DGKH: variants seen among roughly 807,000 people sequenced by gnomAD.
DGKH encodes the protein diacylglycerol kinase eta.
In DGKH, 90 loss-of-function variants were observed where a neutral mutation model predicts 159.3. The ratio of observed to expected loss-of-function variants is 0.57; its 90% CI spans 0.48 to 0.67. The LOEUF is 0.67. DGKH is among the 30% of genes least tolerant of loss of function. The probability of loss-of-function intolerance (pLI) is 0.00; values close to 1 mark genes in which losing one functional copy is unlikely to be tolerated. For missense variants in DGKH, 1,181 were observed against 1,506.1 expected (o/e 0.78, Z 3.57); for synonymous variants, 536 against 553.8 (o/e 0.97, Z 0.45).
chr13:42,217,345 A>G (rs889365688), intron 26 of DGKH, among the ~76,000 whole-genome samples: 11 of 152,044 alleles, frequency 7.2e-5, no homozygotes, highest in African/African-American at 2.7e-4. Flanking sequence ...GTTCCAAGTG[A>G]TTCTCCTGCC....
chr13:42,204,244 A>G (rs1181814147), intron 20 of DGKH, among the ~76,000 whole-genome samples: 1 of 152,190 alleles, frequency 6.6e-6, no homozygotes, highest in Non-Finnish European at 1.5e-5. Context: ...GCACATAAAG[A>G]TATCTGTTTA....
intron 1 of DGKH, among the ~76,000 whole-genome samples, chr13:42,096,778 T>C (rs1954547310): frequency 6.6e-6 from 1 of 152,162 alleles, no homozygotes. Context: ...GTATCATCAT[T>C]TGAGGTGGGG....
chr13:42,042,197 T>C (rs1880554979), intron 1 of DGKH, among the ~76,000 whole-genome samples: 1 of 152,206 alleles, frequency 6.6e-6, no homozygotes, highest in Non-Finnish European at 1.5e-5. Flanking sequence ...AAATTAAAAA[T>C]ACAATCCAGT....
chr13:42,083,351 A>G (rs1954244146), intron 1 of DGKH, among the ~76,000 whole-genome samples: 1 of 128,780 alleles, frequency 7.8e-6, no homozygotes. Flanking sequence ...TAGTGGTATG[A>G]CGTCGGAAGG....
intron 1 of DGKH, among the ~76,000 whole-genome samples, chr13:42,043,164 T>C (rs1163866064): frequency 2.0e-5 from 3 of 152,134 alleles, no homozygotes; most frequent in Non-Finnish European, 2.9e-5. Flanking sequence ...GTGACATATA[T>C]GTTACATACA....
At chr13:42,202,841 A>T (rs956565912) in intron 20 of DGKH, among the ~76,000 whole-genome samples, 1 of 152,178 alleles carries the variant, frequency 6.6e-6, no homozygotes, top group South Asian at 2.1e-4. Flanking sequence ...CATTTTTTGT[A>T]AGAAGGATGA....
chr13:42,242,772 T>C lies in DGKH; in HGVS notation c.*13584T>C, dbSNP rs1958537629. 6.6e-6 allele frequency: 1 copy of C among 152,214 alleles called. No individual in the cohort carries two copies. The highest frequency in any genetic ancestry group is 1.5e-5 in the Non-Finnish European group (1 of 68,024). 9.4% of individuals were successfully genotyped at this position (152,214 alleles called of 1,614,324 possible). On this transcript the variant is annotated 3_prime_UTR_variant, in exon 30 of 30. Coordinates refer to ENST00000337343, the MANE Select transcript of DGKH (RefSeq NM_178009.5). ...TTATTGTACGGAAGTCACTGACGTG[T>C]GTATTTTTGTACTTTGCTGAAAGTA...
At position 42,237,430 on chromosome 13, in the gene DGKH, A is replaced by G. The variant is rs1594261720; in HGVS notation, c.*8242A>G. The G allele has an allele frequency of 6.6e-6, 1 of 152,356 alleles. No homozygotes were observed. The highest frequency in any genetic ancestry group is 1.9e-4 in the East Asian group (1 of 5,196). 9.4% of individuals were successfully genotyped at this position (152,356 alleles called of 1,614,324 possible). On this transcript the variant is annotated 3_prime_UTR_variant, in exon 30 of 30. Coordinates refer to ENST00000337343, the MANE Select transcript of DGKH (RefSeq NM_178009.5). ...AAAGAAAACTGGTGAGAGAAATTACATGGAAATTATAGGAAAAAGGAACTT... is the reference window on the plus strand; with the variant it reads ...AAAGAAAACTGGTGAGAGAAATTACGTGGAAATTATAGGAAAAAGGAACTT...
Position 42,224,903 on chromosome 13 carries a change from A to AATAT in DGKH, c.3573+3521_3573+3524dup, listed in dbSNP as rs760409674. 7.4e-3 allele frequency among the ~76,000 whole-genome samples: 1,072 copies of AATAT among 144,946 alleles called. 8 individuals carry two copies. Among genetic ancestry groups the AATAT allele is most frequent in the African/African-American group, 0.024 (977 of 40,440 alleles). ...CTAAAGTTGGGAAAAGGAAAAAAAA[A>AATAT]ATATATATATATATACATATATTTG... On this transcript the variant is annotated intron_variant, in intron 29 of 29. Coordinates refer to ENST00000337343, the MANE Select transcript of DGKH (RefSeq NM_178009.5).
chr13:42,096,395 C>A (rs1021868236), intron 1 of DGKH, among the ~76,000 whole-genome samples: 7 of 152,160 alleles, frequency 4.6e-5, no homozygotes, highest in African/African-American at 1.4e-4. Flanking sequence ...CCAGCTGCAT[C>A]CATGTTGCTG....
intron 29 of DGKH, among the ~76,000 whole-genome samples, chr13:42,223,707 G>A: frequency 6.6e-6 from 1 of 151,898 alleles, no homozygotes; most frequent in Non-Finnish European, 1.5e-5. Context: ...GTTGCAGTGA[G>A]CCGAGATCAC....
chr13:42,188,492 A>G (rs1003053155), intron 14 of DGKH, among the ~76,000 whole-genome samples: 3 of 152,050 alleles, frequency 2.0e-5, no homozygotes, highest in African/African-American at 7.3e-5. Context: ...TTTGAAGGGG[A>G]GTTTGCCACA....
chr13:42,047,665 A>C (rs1261028638), upstream of DGKH, among the ~76,000 whole-genome samples: 2 of 152,168 alleles, frequency 1.3e-5, no homozygotes, highest in Admixed American at 1.3e-4. Flanking sequence ...CCGCGCAGCC[A>C]GCTTGCAGGG....
intron 29 of DGKH, 128 bp from the exon 30 acceptor site, chr13:42,228,971 A>G: frequency 1.4e-6 from 1 of 714,584 alleles, no homozygotes; most frequent in South Asian, 1.8e-5. Flanking sequence ...CTTGCTGGTT[A>G]AATATTTAAT....
chr13:42,235,229 C>A lies in DGKH; in HGVS notation c.*6041C>A, dbSNP rs1361909470. The A allele has an allele frequency of 6.6e-6, 1 of 152,058 alleles. No individual in the cohort carries two copies. Among genetic ancestry groups the A allele is most frequent in the African/African-American group, 2.4e-5 (1 of 41,404 alleles). The allele number at this position is 152,058 out of a possible 1,614,324, so 9.4% of individuals were successfully genotyped here. A position where few individuals can be genotyped will look rare whatever the true frequency, so the allele number is the denominator to read the frequency against. ...ATTCCCTCCATGTAACTAAGATACT[C>A]TATTTACATTATTTATATACTCTCT... On this transcript the variant is annotated 3_prime_UTR_variant, in exon 30 of 30. Coordinates refer to ENST00000337343, the MANE Select transcript of DGKH (RefSeq NM_178009.5).
At chr13:42,149,222 C>T (rs1455456241) in intron 3 of DGKH, among the ~76,000 whole-genome samples, 1 of 152,158 alleles carries the variant, frequency 6.6e-6, no homozygotes, top group African/African-American at 2.4e-5. Context: ...AGGCATCGCT[C>T]CTGACCTCTT....
rs148804218 is a variant in DGKH at position 42,113,784 on chromosome 13, G to A, written c.193-13679G>A. 3.2e-3 allele frequency among the ~76,000 whole-genome samples: 483 copies of A among 152,272 alleles called. 1 individual carries two copies. The highest frequency in any genetic ancestry group is 5.5e-3 in the Admixed American group (84 of 15,286). On this transcript the variant is annotated intron_variant, in intron 1 of 29. Coordinates refer to ENST00000337343, the MANE Select transcript of DGKH (RefSeq NM_178009.5). ...TCCGGCATGGCTACGGGGAAAAATAGTTCTTATATGATAATCACATAAAAA... is the reference window on the plus strand; with the variant it reads ...TCCGGCATGGCTACGGGGAAAAATAATTCTTATATGATAATCACATAAAAA...
At chr13:42,069,430 T>A in intron 1 of DGKH, 1 of 1,550,096 alleles carries the variant, frequency 6.5e-7, no homozygotes, top group Non-Finnish European at 8.8e-7. Context: ...GACACTGAGC[T>A]ATTCAAGTCG....
intron 1 of DGKH, among the ~76,000 whole-genome samples, chr13:42,051,802 A>T (rs936930717): frequency 6.6e-6 from 1 of 151,818 alleles, no homozygotes; most frequent in Non-Finnish European, 1.5e-5. Context: ...AGTAGCTGGG[A>T]TTACAGGCAT....
Sources: allele counts gnomAD v4.1 joint callset (sites outside exome capture counted in the v4.1 genomes callset), GRCh38; gene constraint gnomAD v4.1.1; transcripts MANE v1.5; gene names NCBI Gene and HGNC (gene_info 2026-07-23, HGNC 2026-07-21).